Variants in NOX5 observed in about 807,000 individuals in gnomAD.
NOX5 encodes the protein NADPH oxidase, EF-hand calcium binding domain 5.
NOX5 carries 76 observed loss-of-function variants against 85.7 expected under a neutral mutation model. That is an observed-to-expected ratio of 0.89 (90% confidence interval 0.74 to 1.07). The LOEUF (loss-of-function observed/expected upper bound fraction) is 1.07. Among genes scored for constraint, NOX5 ranks in the 50% least tolerant of loss-of-function variants. The pLI, the probability that NOX5 is intolerant of heterozygous loss-of-function variation, is 0.00. For missense variants in NOX5, 973 were observed against 999.5 expected (o/e 0.97, Z 0.36); for synonymous variants, 405 against 401.4 (o/e 1.01, Z -0.11).
rs2050560137 is a variant in NOX5 at position 69,039,100 on chromosome 15, AG to A, written c.1504+112del. On this transcript the variant is annotated intron_variant, in intron 9 of 15. Coordinates refer to ENST00000388866, the MANE Select transcript of NOX5 (RefSeq NM_024505.4). ...GCACTGAACAAGGCCAGAAACACAA[AG>A]TCAGCCTCAAAAAGCTCTCTTTGAA... The A allele has an allele frequency of 3.2e-6, 4 of 1,254,116 alleles. No individual in the cohort carries two copies. In the East Asian group the frequency reaches 9.3e-5, roughly 29 times the overall value. 77.7% of individuals were successfully genotyped at this position (1,254,116 alleles called of 1,614,324 possible). A position where few individuals can be genotyped will look rare whatever the true frequency, so the allele number is the denominator to read the frequency against.
intron 12 of NOX5, 29 bp downstream of exon 12, chr15:69,047,566 TCCTGGGTCAGAG>T: frequency 6.2e-7 from 1 of 1,604,034 alleles, no homozygotes; most frequent in Non-Finnish European, 8.5e-7. Context: ...CCTGCCTGCA[TCCTGGGTCAGAG>T]CCCCAAGGCG....
intron 5 of NOX5, 103 bp from the exon 6 acceptor site, chr15:69,035,251 C>G: frequency 7.5e-7 from 1 of 1,328,212 alleles, no homozygotes. Flanking sequence ...GTGTCCTGTT[C>G]AGAAAGCACA....
At chr15:69,050,459 C>T (rs1462443909) in intron 14 of NOX5, among the ~76,000 whole-genome samples, 9 of 152,082 alleles carry the variant, frequency 5.9e-5, no homozygotes, top group African/African-American at 9.7e-5. Context: ...GGTGCAATCT[C>T]GGCTCACTGC....
Position 69,062,277 on chromosome 15 carries a change from ACC to A in NOX5, c.*5582_*5583del, listed in dbSNP as rs2140290437. 6.6e-6 allele frequency: 1 copy of A among 152,030 alleles called. No homozygotes were observed. The highest frequency in any genetic ancestry group is 1.5e-5 in the Non-Finnish European group (1 of 67,956). 9.4% of individuals were successfully genotyped at this position (152,030 alleles called of 1,614,324 possible). A position where few individuals can be genotyped will look rare whatever the true frequency, so the allele number is the denominator to read the frequency against. On this transcript the variant is annotated 3_prime_UTR_variant, in exon 16 of 16. Transcript: ENST00000388866. ...TCAGAGACAGGCTGGAGAAAGGAAG[ACC>A]AGTTAGCCAGAAAGGAAGCTTGGAA...
At chr15:69,033,946 G>A (rs1418593639) in intron 5 of NOX5, among the ~76,000 whole-genome samples, 2 of 151,802 alleles carry the variant, frequency 1.3e-5, no homozygotes, top group Non-Finnish European at 2.9e-5. Context: ...CACCCTCCTC[G>A]GCCTCCCAAA....
rs1227813483 is a variant in NOX5, at chr15:69,035,882, C to T, written c.1134C>T (p.Leu378=). ...CAGGTGTCGCTCTGCTGCTGCTGCT[C>T]CTCCTCATGTTCATCTGCTCCAGTT... ...SPTGVALLLL[L]LLMFICSSSC... The change falls in exon 7 of 16, where the codon CTC becomes CTT. Residue 378 remains leucine, a synonymous_variant. Coordinates refer to ENST00000388866, the MANE Select transcript of NOX5 (RefSeq NM_024505.4). The T allele has an allele frequency of 1.9e-6, 3 of 1,614,118 alleles. No individual in the cohort carries two copies. Among genetic ancestry groups the T allele is most frequent in the Non-Finnish European group, 2.5e-6 (3 of 1,179,940 alleles).
At position 69,039,023 on chromosome 15, in the gene NOX5, A is replaced by G. The variant is rs376401845; in HGVS notation, c.1504+34A>G. 1.2e-5 allele frequency: 19 copies of G among 1,611,968 alleles called. No homozygotes were observed. In the African/African-American group the frequency reaches 2.1e-4, roughly 18 times the overall value. On this transcript the variant is annotated intron_variant, in intron 9 of 15. Coordinates refer to ENST00000388866, the MANE Select transcript of NOX5 (RefSeq NM_024505.4). The stretch of plus-strand genomic sequence containing the variant: ...CACCTCCTCCAGTCACTCTGCACAT[A>G]TTCACTGAGTTCCTACCGTGGGCCA...
At chr15:69,015,395 C>T (rs2050218854) in intron 1 of NOX5, among the ~76,000 whole-genome samples, 1 of 152,168 alleles carries the variant, frequency 6.6e-6, no homozygotes, top group Admixed American at 6.5e-5. Flanking sequence ...GGGAGGTGAA[C>T]AGCAGATACC....
chr15:69,051,046 C>T (rs1383192796), intron 14 of NOX5, among the ~76,000 whole-genome samples: 1 of 152,132 alleles, frequency 6.6e-6, no homozygotes, highest in Non-Finnish European at 1.5e-5. Context: ...AAGTGAGTAG[C>T]CTCCTCCCTG....
At chr15:69,033,724 G>C (rs2050474927) in intron 5 of NOX5, among the ~76,000 whole-genome samples, 1 of 143,888 alleles carries the variant, frequency 6.9e-6, no homozygotes, top group African/African-American at 2.6e-5. Flanking sequence ...TTTTGAGACG[G>C]AATTTTGCTC....
At chr15:69,029,903 T>C (rs1454299229) in intron 3 of NOX5, 1 of 152,234 alleles carries the variant, frequency 6.6e-6, no homozygotes, top group Non-Finnish European at 1.5e-5. Flanking sequence ...CGTCTCGAAC[T>C]CCTGGCCTCA....
At chr15:69,045,229 G>C (rs1031411401) in intron 10 of NOX5, among the ~76,000 whole-genome samples, 2 of 152,222 alleles carry the variant, frequency 1.3e-5, no homozygotes, top group African/African-American at 4.8e-5. Context: ...TTTTGCGTAA[G>C]AACTGCCCCA....
intron 3 of NOX5, 80 bp downstream of exon 3, chr15:69,028,445 G>A: frequency 7.2e-7 from 1 of 1,388,526 alleles, no homozygotes; most frequent in Non-Finnish European, 9.6e-7. Flanking sequence ...ACCTTGGCAG[G>A]CCTGGAGGTG....
chr15:69,032,609 C>G (rs536581328), intron 4 of NOX5, among the ~76,000 whole-genome samples: 1 of 152,170 alleles, frequency 6.6e-6, no homozygotes, highest in East Asian at 1.9e-4. Flanking sequence ...CGGGGTTTCG[C>G]CATCTTGGCC....
chr15:69,042,215 A>G, intron 9 of NOX5, among the ~76,000 whole-genome samples: 1 of 152,296 alleles, frequency 6.6e-6, no homozygotes, highest in South Asian at 2.1e-4. Flanking sequence ...CATTCATTCA[A>G]CAGATGACCT....
At position 69,018,943 on chromosome 15, in the gene NOX5, G is replaced by A. The variant is rs890822779; in HGVS notation, c.50+4158G>A. Among the ~76,000 whole-genome samples the A allele has an allele frequency of 2.0e-5, 3 of 152,228 alleles. No homozygotes were observed. The East Asian group carries it at 5.8e-4, about 29-fold the overall frequency. ...AATGGTGTGATTAAAGTTCACTTTAGCTTCGACCTTCTAGGCTCAAGCCAT... is the reference window on the plus strand; with the variant it reads ...AATGGTGTGATTAAAGTTCACTTTAACTTCGACCTTCTAGGCTCAAGCCAT... On this transcript the variant is annotated intron_variant, in intron 1 of 15. Coordinates refer to ENST00000388866, the MANE Select transcript of NOX5 (RefSeq NM_024505.4).
intron 3 of NOX5, 51 bp from the exon 4 acceptor site, chr15:69,031,467 T>TAGTC: frequency 6.4e-7 from 1 of 1,560,086 alleles, no homozygotes; most frequent in South Asian, 1.2e-5. Flanking sequence ...GAAAGCTGAC[T>TAGTC]GGCAGAAAGC....
intron 7 of NOX5, 104 bp from the exon 8 acceptor site, chr15:69,036,924 G>A (rs1242593490): frequency 3.3e-6 from 3 of 901,122 alleles, no homozygotes; most frequent in Non-Finnish European, 5.3e-6. Context: ...GAGAGTCAAG[G>A]CTCTGAGCAC....
chr15:69,052,551 G>T (rs1382660753), intron 14 of NOX5, among the ~76,000 whole-genome samples: 2 of 152,154 alleles, frequency 1.3e-5, no homozygotes, highest in Non-Finnish European at 2.9e-5. Context: ...GAGTTCATTA[G>T]AACTAGATCG....
Sources: allele counts gnomAD v4.1 joint callset (sites outside exome capture counted in the v4.1 genomes callset), GRCh38; gene constraint gnomAD v4.1.1; transcripts MANE v1.5; gene names NCBI Gene and HGNC (gene_info 2026-07-23, HGNC 2026-07-21).